The following FRMPD4 variants were observed in gnomAD, a reference collection of about 807,000 sequenced individuals.
The protein encoded by FRMPD4 is FERM and PDZ domain-containing protein 4.
Under a neutral mutation model 94.1 loss-of-function variants are expected in FRMPD4, and 22 were observed. The observed-to-expected ratio is 0.23, with a 90% CI of 0.17 to 0.33. The LOEUF is 0.33. FRMPD4 is among the 10% of genes least tolerant of loss of function. The pLI, the probability that FRMPD4 is intolerant of heterozygous loss-of-function variation, is 1.00. For missense variants in FRMPD4, 1,111 were observed against 1,339.9 expected, an observed-to-expected ratio of 0.83 and a Z score of 2.67; for synonymous variants, 631 against 548.6, an observed-to-expected ratio of 1.15 and a Z score of -2.10.
At chrX:11,981,321 T>C (rs933601093) in intron 3 of FRMPD4, among the ~76,000 whole-genome samples, 3 of 112,037 alleles carry the variant, frequency 2.7e-5, no homozygotes, top group East Asian at 2.8e-4. Flanking sequence ...CTCAATGTAA[T>C]AGAATTGTCA....
intron 1 of FRMPD4, among the ~76,000 whole-genome samples, chrX:12,371,012 G>A (rs952308011): frequency 8.9e-6 from 1 of 112,046 alleles, no homozygotes; most frequent in African/African-American, 3.2e-5. Context: ...TGTGCTTCCT[G>A]TTATTGGATA....
intron 3 of FRMPD4, among the ~76,000 whole-genome samples, chrX:12,103,255 G>A (rs969784118): frequency 3.6e-5 from 4 of 111,704 alleles, no homozygotes; most frequent in African/African-American, 1.3e-4. Context: ...AAAAGTGCCT[G>A]GTGTACCATA....
At chrX:12,411,128 G>A (rs2056727755) in intron 1 of FRMPD4, among the ~76,000 whole-genome samples, 1 of 110,995 alleles carries the variant, frequency 9.0e-6, no homozygotes, top group South Asian at 3.8e-4. Context: ...GGAGCTCTAG[G>A]AGTTCCCACT....
intron 1 of FRMPD4, among the ~76,000 whole-genome samples, chrX:12,165,446 A>G (rs139359618): frequency 0.16 from 17,842 of 111,022 alleles, 1,076 homozygotes; most frequent in South Asian, 0.33. Flanking sequence ...TGTTTTGGTT[A>G]CTGTAGCCTT....
chrX:12,459,618 C>G (rs765486899), intron 1 of FRMPD4, among the ~76,000 whole-genome samples: 1 of 111,572 alleles, frequency 9.0e-6, no homozygotes, highest in African/African-American at 3.3e-5. Context: ...ATTTTTTGTA[C>G]GTATCATATT....
At position 12,721,684 on chromosome X, in the gene FRMPD4, A is replaced by G. The variant is rs2042243266; in HGVS notation, c.5115A>G (p.Val1705=). 1 of 751,496 alleles carries G rather than the reference A, an allele frequency of 1.3e-6. No homozygotes were observed. Among genetic ancestry groups the G allele is most frequent in the Non-Finnish European group, 1.6e-6 (1 of 636,672 alleles). The allele number at this position is 751,496 out of a possible 1,213,427, so 61.9% of individuals were successfully genotyped here. ...VNSETQRQEI[V]GKIDEVVINY... is the part of the protein sequence containing the mutation. ...CAGAAACACAGCGGCAGGAAATTGT[A>G]GGGAAGATCGATGAAGTGGTCATAA... is the stretch of plus-strand genomic sequence containing the variant. The change falls in exon 17 of 17, where the codon GTA becomes GTG. Residue 1705 remains valine (V), a synonymous_variant. Coordinates refer to ENST00000675598, the MANE Select transcript of FRMPD4 (RefSeq NM_001368397.1).
intron 3 of FRMPD4, among the ~76,000 whole-genome samples, chrX:12,058,546 A>T (rs2147458471): frequency 9.0e-6 from 1 of 111,406 alleles, no homozygotes; most frequent in South Asian, 3.8e-4. Flanking sequence ...GCCAATAAAT[A>T]AGAATTTTAT....
chrX:12,411,163 A>C (rs1181365590), intron 1 of FRMPD4, among the ~76,000 whole-genome samples: 1 of 110,333 alleles, frequency 9.1e-6, no homozygotes, highest in African/African-American at 3.3e-5. Flanking sequence ...TTTCTTCCAA[A>C]CTCCCAACAC....
chrX:12,039,266 G>A (rs976601004), intron 3 of FRMPD4, among the ~76,000 whole-genome samples: 12 of 107,898 alleles, frequency 1.1e-4, no homozygotes, highest in African/African-American at 4.0e-4. Context: ...TTCCACCTCA[G>A]CTTGTGAAAG....
At chrX:11,974,097 G>C (rs2054354743) in intron 3 of FRMPD4, among the ~76,000 whole-genome samples, 1 of 111,691 alleles carries the variant, frequency 9.0e-6, no homozygotes, top group Admixed American at 9.5e-5. Flanking sequence ...AAAGTCAGGA[G>C]ATAGGAAACA....
chrX:12,161,786 G>GT (rs1172656544), intron 1 of FRMPD4, among the ~76,000 whole-genome samples: 2 of 111,355 alleles, frequency 1.8e-5, no homozygotes, highest in Admixed American at 9.6e-5. Flanking sequence ...AATTTGTTTT[G>GT]TTTTTTTATA....
intron 14 of FRMPD4, among the ~76,000 whole-genome samples, chrX:12,713,504 GAC>G (rs1298258361): frequency 2.7e-5 from 3 of 110,068 alleles, no homozygotes; most frequent in Non-Finnish European, 5.7e-5. Flanking sequence ...GAGAGAGAGA[GAC>G]AGAGAGAGAG....
At chrX:12,688,463 GTTATC>G (rs971422701) in intron 7 of FRMPD4, among the ~76,000 whole-genome samples, 11 of 112,246 alleles carry the variant, frequency 9.8e-5, no homozygotes, top group African/African-American at 3.6e-4. Flanking sequence ...TCAAATTCAA[GTTATC>G]TTATCTTATA....
chrX:11,955,690 C>T (rs1004420756), intron 3 of FRMPD4, among the ~76,000 whole-genome samples: 4 of 103,873 alleles, frequency 3.9e-5, no homozygotes, highest in African/African-American at 1.1e-4. Flanking sequence ...TGCAGTGAGC[C>T]GAGATTGCAC....
chrX:12,203,139 C>T (rs1434388891), intron 1 of FRMPD4, among the ~76,000 whole-genome samples: 1 of 111,816 alleles, frequency 8.9e-6, no homozygotes, highest in Admixed American at 9.5e-5. Context: ...CCCCTGGTAT[C>T]CTGTGCCCTT....
At chrX:12,663,972 T>C (rs1159858468) in intron 4 of FRMPD4, among the ~76,000 whole-genome samples, 1 of 112,185 alleles carries the variant, frequency 8.9e-6, no homozygotes, top group Non-Finnish European at 1.9e-5. Context: ...CAATTGTGAA[T>C]GGGAGTTCAC....
rs1055235680 is a variant in FRMPD4 at position 11,933,861 on chromosome X, G to C, written c.95+55843G>C. Among the ~76,000 whole-genome samples, 4 of 112,266 alleles carry C rather than the reference G, an allele frequency of 3.6e-5. No homozygotes were observed. The Admixed American group carries it at 3.8e-4, about 11-fold the overall frequency. The stretch of plus-strand genomic sequence containing the variant: ...ATTCATTTGATAAATCTGGTGCTAA[G>C]TATGCAATAACCTTGTTCCCTCGTT... On this transcript the variant is annotated intron_variant, in intron 3 of 18. Transcript: ENST00000640291.
intron 1 of FRMPD4, among the ~76,000 whole-genome samples, chrX:12,417,571 C>CT (rs781188597): frequency 1.4e-5 from 1 of 71,045 alleles, no homozygotes; most frequent in African/African-American, 5.1e-5. Flanking sequence ...AAGAGCAAGA[C>CT]TTCATCTCAA....
At chrX:12,631,711 A>G (rs1266239726) in intron 4 of FRMPD4, among the ~76,000 whole-genome samples, 3 of 111,879 alleles carry the variant, frequency 2.7e-5, no homozygotes, top group Non-Finnish European at 5.6e-5. Flanking sequence ...TTCCATATGC[A>G]TTGATTTTAG....
Sources: gnomAD v4.1 joint callset for allele counts (sites outside exome capture counted in the v4.1 genomes callset) on GRCh38, gnomAD v4.1.1 for gene constraint, MANE v1.5 for transcripts, NCBI Gene and HGNC (gene_info 2026-07-23, HGNC 2026-07-21) for gene names.